The following ANKFN1 variants were observed in gnomAD, a reference collection of about 807,000 sequenced individuals.
ANKFN1 encodes ankyrin repeat and fibronectin type III domain containing 1, also known as ankyrin repeat and fibronectin type-III domain-containing protein 1.
Under a neutral mutation model 108.7 loss-of-function variants are expected in ANKFN1, and 74 were observed. That is an observed-to-expected ratio of 0.68 (90% CI 0.56 to 0.83). ANKFN1 has a LOEUF of 0.83. Among genes scored for constraint, ANKFN1 ranks in the 40% least tolerant of loss-of-function variants. The pLI is 0.00. For synonymous variants in ANKFN1, 547 were observed against 516.2 expected (o/e 1.06, Z -0.81); for missense variants, 1,505 against 1,382.3 (o/e 1.09, Z -1.41).
chr17:56,404,236 T>C (rs1049775240), intron 8 of ANKFN1, among the ~76,000 whole-genome samples: 4 of 152,140 alleles, frequency 2.6e-5, no homozygotes, highest in African/African-American at 9.7e-5. Flanking sequence ...AAGATTTCCT[T>C]GATTATTCCC....
intron 3 of ANKFN1, among the ~76,000 whole-genome samples, chr17:56,230,231 G>A (rs760584989): frequency 6.6e-6 from 1 of 152,060 alleles, no homozygotes; most frequent in African/African-American, 2.4e-5. Context: ...AAGGCTGGGC[G>A]ATGGAAGGAA....
At chr17:56,446,979 T>C (rs1423624182) in intron 10 of ANKFN1, among the ~76,000 whole-genome samples, 1 of 152,066 alleles carries the variant, frequency 6.6e-6, no homozygotes, top group African/African-American at 2.4e-5. Context: ...TCCTAGCACT[T>C]TGGGAAGCCA....
chr17:56,061,715 T>G (rs1384318116), intron 4 of ANKFN1, among the ~76,000 whole-genome samples: 2 of 152,222 alleles, frequency 1.3e-5, no homozygotes, highest in Admixed American at 1.3e-4. Context: ...AAACACCTCC[T>G]GGATTTATGA....
chr17:56,143,662 G>C (rs181670173), intron 4 of ANKFN1, among the ~76,000 whole-genome samples: 18 of 152,272 alleles, frequency 1.2e-4, no homozygotes, highest in Non-Finnish European at 2.1e-4. Context: ...TTAAGTCAAG[G>C]GTCTTTGGAT....
intron 8 of ANKFN1, among the ~76,000 whole-genome samples, chr17:56,413,520 T>C (rs779763252): frequency 6.6e-6 from 1 of 152,224 alleles, no homozygotes; most frequent in Non-Finnish European, 1.5e-5. Context: ...AGGGGAATGC[T>C]TCCAGCCTTT....
intron 4 of ANKFN1, among the ~76,000 whole-genome samples, chr17:56,328,257 C>T (rs538158990): frequency 1.3e-4 from 20 of 152,198 alleles, no homozygotes; most frequent in African/African-American, 4.3e-4. Context: ...GCTCAAATTG[C>T]TCCTGTTCCC....
At chr17:56,433,469 T>C (rs900889472) in intron 8 of ANKFN1, among the ~76,000 whole-genome samples, 7 of 151,960 alleles carry the variant, frequency 4.6e-5, no homozygotes, top group Non-Finnish European at 7.4e-5. Flanking sequence ...TATATATGTA[T>C]ATATATATGA....
Position 56,466,581 on chromosome 17 carries a change from T to G in ANKFN1, c.1773+10T>G. The G allele has an allele frequency of 6.3e-7, 1 of 1,590,444 alleles. No individual in the cohort carries two copies. Among genetic ancestry groups the G allele is most frequent in the Non-Finnish European group, 8.6e-7 (1 of 1,167,230 alleles). On this transcript the variant is annotated intron_variant, in intron 15 of 20. Coordinates refer to ENST00000682825, the MANE Select transcript of ANKFN1 (RefSeq NM_001370326.1). ...ACTGATAACCATCCAGGTATGTAGT[T>G]TTTTTCTTAATTCCCGGGTATACTT...
chr17:56,399,404 T>C (rs2047682915), intron 8 of ANKFN1, among the ~76,000 whole-genome samples: 1 of 151,756 alleles, frequency 6.6e-6, no homozygotes, highest in African/African-American at 2.4e-5. Context: ...ATAAGACAAA[T>C]ATTCATAACA....
At chr17:56,182,264 C>T (rs1268779246) in intron 1 of ANKFN1, among the ~76,000 whole-genome samples, 4 of 152,080 alleles carry the variant, frequency 2.6e-5, no homozygotes, top group African/African-American at 9.7e-5. Context: ...GAAGGCAGGT[C>T]GAAAGCCAAG....
intron 4 of ANKFN1, among the ~76,000 whole-genome samples, chr17:56,327,328 A>G (rs1037727534): frequency 6.6e-6 from 1 of 151,932 alleles, no homozygotes; most frequent in African/African-American, 2.4e-5. Context: ...GCATCAATCC[A>G]TCTCTGGTGA....
chr17:56,450,579 C>A (rs1598630110), intron 11 of ANKFN1, among the ~76,000 whole-genome samples: 1 of 152,202 alleles, frequency 6.6e-6, no homozygotes, highest in Non-Finnish European at 1.5e-5. Flanking sequence ...ATATTCCACA[C>A]TGACCAAAGT....
At chr17:56,176,065 C>T (rs1276752046) in intron 1 of ANKFN1, among the ~76,000 whole-genome samples, 1 of 151,696 alleles carries the variant, frequency 6.6e-6, no homozygotes, top group Non-Finnish European at 1.5e-5. Flanking sequence ...AAGGGGGGTA[C>T]TGGGAGGGGA....
At chr17:56,490,951 A>G (rs1321530988) in intron 18 of ANKFN1, among the ~76,000 whole-genome samples, 1 of 152,160 alleles carries the variant, frequency 6.6e-6, no homozygotes, top group East Asian at 1.9e-4. Flanking sequence ...AAAGCAAGGA[A>G]GTAGTAGCCA....
chr17:56,055,600 C>CACACATATATATATATATATACATAT (rs1567778636), intron 4 of ANKFN1, among the ~76,000 whole-genome samples: 1 of 33,594 alleles, frequency 3.0e-5, no homozygotes, highest in African/African-American at 1.3e-4. Flanking sequence ...TATATATACA[C>CACACATATATATATATATATACATAT]ATTTTTTTAT....
At chr17:56,186,656 T>C (rs555021600) in intron 1 of ANKFN1, among the ~76,000 whole-genome samples, 1 of 152,370 alleles carries the variant, frequency 6.6e-6, no homozygotes, top group South Asian at 2.1e-4. Context: ...AGAAATGGTC[T>C]ACACCAGGAA....
intron 4 of ANKFN1, among the ~76,000 whole-genome samples, chr17:56,341,834 A>G (rs997822418): frequency 1.3e-5 from 2 of 152,016 alleles, no homozygotes; most frequent in African/African-American, 4.8e-5. Context: ...TCAGTTAGGG[A>G]AAAGTCCCTC....
intron 4 of ANKFN1, among the ~76,000 whole-genome samples, chr17:56,087,900 T>TC (rs1905345830): frequency 6.6e-6 from 1 of 151,226 alleles, no homozygotes; most frequent in South Asian, 2.1e-4. Context: ...GCTGACCTCT[T>TC]CCCTGGACTA....
chr17:56,246,650 A>G (rs566845637), intron 3 of ANKFN1, among the ~76,000 whole-genome samples: 1 of 152,270 alleles, frequency 6.6e-6, no homozygotes, highest in African/African-American at 2.4e-5. Context: ...GAAATTGCCA[A>G]TCAGAACTTT....
Sources: gnomAD v4.1 joint callset for allele counts (sites outside exome capture counted in the v4.1 genomes callset) on GRCh38, gnomAD v4.1.1 for gene constraint, MANE v1.5 for transcripts, NCBI Gene and HGNC (gene_info 2026-07-23, HGNC 2026-07-21) for gene names.